DAPK1: variants seen among roughly 807,000 people sequenced by gnomAD.
The protein encoded by DAPK1 is death associated protein kinase 1.
In DAPK1, 56 loss-of-function variants were observed where a neutral mutation model predicts 144.9. That is an observed-to-expected ratio of 0.39 (90% CI 0.31 to 0.48). The LOEUF (loss-of-function observed/expected upper bound fraction) is 0.48. DAPK1 is among the 20% of genes least tolerant of loss of function. DAPK1 has a pLI of 0.95. For synonymous variants in DAPK1, 690 were observed against 749.0 expected, an observed-to-expected ratio of 0.92 and a Z score of 1.29; for missense variants, 1,454 against 1,875.4, an observed-to-expected ratio of 0.78 and a Z score of 4.15.
chr9:87,544,823 G>A (rs563444476), intron 2 of DAPK1, among the ~76,000 whole-genome samples: 45 of 152,272 alleles, frequency 3.0e-4, no homozygotes, highest in Middle Eastern at 3.4e-3. Context: ...CAAAATGCAG[G>A]AAGAAAGACA....
At chr9:87,501,216 T>C (rs1002774789) in intron 2 of DAPK1, among the ~76,000 whole-genome samples, 1 of 152,162 alleles carries the variant, frequency 6.6e-6, no homozygotes, top group African/African-American at 2.4e-5. Flanking sequence ...TAGACCAGTA[T>C]CTAAGATTTA....
chr9:87,620,175 G>A (rs36208749), intron 3 of DAPK1, among the ~76,000 whole-genome samples: 7 of 151,988 alleles, frequency 4.6e-5, no homozygotes, highest in African/African-American at 4.8e-5. Flanking sequence ...CCCTCTGCTC[G>A]TGCCCCTCCG....
rs1320250528 is a variant in DAPK1 at position 87,671,163 on chromosome 9, A to G, written c.2001+2489A>G. On this transcript the variant is annotated intron_variant, in intron 19 of 25. Transcript: ENST00000408954. Reference sequence around the variant, plus strand: ...TGGCATAGTGAGGAGTAGAGATGCAAAGCACCTTGCTGCGGCGCTTCCTCC... The same window carrying G: ...TGGCATAGTGAGGAGTAGAGATGCAGAGCACCTTGCTGCGGCGCTTCCTCC... Among the ~76,000 whole-genome samples the G allele has an allele frequency of 2.0e-5, 3 of 152,090 alleles. No individual in the cohort carries two copies. In the East Asian group the frequency reaches 5.8e-4, roughly 29 times the overall value.
At chr9:87,530,748 G>A (rs1300691517) in intron 2 of DAPK1, among the ~76,000 whole-genome samples, 1 of 152,124 alleles carries the variant, frequency 6.6e-6, no homozygotes, top group Admixed American at 6.5e-5. Context: ...GGTTTCATGT[G>A]CTGGAGCCAC....
chr9:87,658,262 A>T (rs1442932067), intron 18 of DAPK1, 135 bp downstream of exon 18: 1 of 601,968 alleles, frequency 1.7e-6, no homozygotes, highest in Non-Finnish European at 3.0e-6. Flanking sequence ...TAGCTCCTCC[A>T]CTGCGGTAAC....
chr9:87,692,985 T>G, intron 21 of DAPK1, among the ~76,000 whole-genome samples: 1 of 119,674 alleles, frequency 8.4e-6, no homozygotes, highest in African/African-American at 3.8e-5. Context: ...TTTTTTTTTT[T>G]TTTTTTCTGT....
chr9:87,514,361 C>T (rs1824965348), intron 2 of DAPK1, among the ~76,000 whole-genome samples: 1 of 152,156 alleles, frequency 6.6e-6, no homozygotes, highest in Non-Finnish European at 1.5e-5. Context: ...TCCTGTGTCC[C>T]AGAGGTCTGG....
intron 2 of DAPK1, among the ~76,000 whole-genome samples, chr9:87,588,663 A>G (rs1237332924): frequency 6.6e-6 from 1 of 152,184 alleles, no homozygotes; most frequent in Admixed American, 6.5e-5. Flanking sequence ...CAGATGCATA[A>G]AATATATTTC....
At chr9:87,671,494 AC>A (rs1354695366) in intron 19 of DAPK1, among the ~76,000 whole-genome samples, 2 of 141,878 alleles carry the variant, frequency 1.4e-5, no homozygotes, top group Non-Finnish European at 3.1e-5. Context: ...AAGAATAGTC[AC>A]CTTTTTTTTC....
At chr9:87,524,576 A>C (rs918503222) in intron 2 of DAPK1, among the ~76,000 whole-genome samples, 1 of 152,196 alleles carries the variant, frequency 6.6e-6, no homozygotes, top group African/African-American at 2.4e-5. Flanking sequence ...TTCACACCCC[A>C]AACAGTGTGA....
intron 2 of DAPK1, among the ~76,000 whole-genome samples, chr9:87,573,047 G>A (rs904652478): frequency 5.3e-5 from 8 of 152,144 alleles, no homozygotes; most frequent in African/African-American, 1.4e-4. Context: ...AGCAAACTGG[G>A]GTTCTAAGCG....
chr9:87,656,298 G>A (rs768051034), intron 17 of DAPK1, among the ~76,000 whole-genome samples: 4 of 152,138 alleles, frequency 2.6e-5, no homozygotes, highest in Admixed American at 1.3e-4. Context: ...GGGTCCAGGT[G>A]TGGCAGACCT....
At chr9:87,530,908 C>G (rs929828243) in intron 2 of DAPK1, among the ~76,000 whole-genome samples, 2 of 29,162 alleles carry the variant, frequency 6.9e-5, no homozygotes, top group African/African-American at 7.8e-4. Context: ...ATGCAGGTCT[C>G]TTCTTCAAAG....
chr9:87,591,834 T>C (rs180789156), intron 2 of DAPK1, among the ~76,000 whole-genome samples: 1 of 152,366 alleles, frequency 6.6e-6, no homozygotes, highest in East Asian at 1.9e-4. Context: ...GCTCAGAGCT[T>C]ACCTCCACCA....
chr9:87,617,074 C>T (rs1381629780), intron 3 of DAPK1, among the ~76,000 whole-genome samples: 1 of 152,190 alleles, frequency 6.6e-6, no homozygotes, highest in Non-Finnish European at 1.5e-5. Flanking sequence ...GTAGTTACAA[C>T]CCAAACTTCC....
intron 2 of DAPK1, among the ~76,000 whole-genome samples, chr9:87,536,148 T>C (rs1482599330): frequency 3.9e-5 from 6 of 152,214 alleles, no homozygotes; most frequent in Non-Finnish European, 8.8e-5. Flanking sequence ...AGGAGCAGTT[T>C]GGTGTCCTCA....
intron 2 of DAPK1, among the ~76,000 whole-genome samples, chr9:87,523,388 C>G (rs1256846389): frequency 6.6e-6 from 1 of 152,118 alleles, no homozygotes; most frequent in Non-Finnish European, 1.5e-5. Context: ...CCTCGACCTC[C>G]TGGGCTTAAA....
chr9:87,582,624 G>A (rs1383186496), intron 2 of DAPK1, among the ~76,000 whole-genome samples: 2 of 147,878 alleles, frequency 1.4e-5, no homozygotes, highest in South Asian at 4.3e-4. Flanking sequence ...GTGCTATCTC[G>A]GCTCACTGCA....
chr9:87,526,601 AG>A, intron 2 of DAPK1, among the ~76,000 whole-genome samples: 1 of 152,244 alleles, frequency 6.6e-6, no homozygotes, highest in Admixed American at 6.5e-5. Context: ...TCCCTCCATT[AG>A]TCTATGGGAA....
Sources: allele counts gnomAD v4.1 joint callset (sites outside exome capture counted in the v4.1 genomes callset), GRCh38; gene constraint gnomAD v4.1.1; transcripts MANE v1.5; gene names NCBI Gene and HGNC (gene_info 2026-07-23, HGNC 2026-07-21).